The following PTPRM variants were observed in gnomAD, a reference collection of about 807,000 sequenced individuals.
PTPRM encodes the protein protein tyrosine phosphatase receptor type M.
In PTPRM, 47 loss-of-function variants were observed where a neutral mutation model predicts 186.7. That is an observed-to-expected ratio of 0.25 (90% CI 0.20 to 0.32). The LOEUF (loss-of-function observed/expected upper bound fraction) is 0.32, where lower values mean the gene tolerates loss of function less well. Ranked by LOEUF, PTPRM falls within the 10% of genes least tolerant of loss-of-function variation. The probability of loss-of-function intolerance (pLI) is 1.00; values close to 1 mark genes in which losing one functional copy is unlikely to be tolerated. For missense variants in PTPRM, 1,494 were observed against 1,865.0 expected (o/e 0.80, Z 3.66); for synonymous variants, 668 against 674.9 (o/e 0.99, Z 0.16).
intron 7 of PTPRM, among the ~76,000 whole-genome samples, chr18:8,012,435 C>T (rs1010351165): frequency 1.3e-5 from 2 of 152,146 alleles, no homozygotes; most frequent in African/African-American, 4.8e-5. Context: ...AATCATGCCT[C>T]GATGAAGGAC....
chr18:8,134,085 A>G (rs2092579623), intron 13 of PTPRM, among the ~76,000 whole-genome samples: 1 of 152,240 alleles, frequency 6.6e-6, no homozygotes, highest in South Asian at 2.1e-4. Flanking sequence ...AATTTATTCC[A>G]GTTTCATGGA....
chr18:8,012,964 G>C (rs2084631401), intron 7 of PTPRM, among the ~76,000 whole-genome samples: 2 of 152,098 alleles, frequency 1.3e-5, no homozygotes, highest in African/African-American at 4.8e-5. Flanking sequence ...ACTGGGGAGG[G>C]TGGAGGAGGA....
At chr18:8,196,498 C>T (rs908130242) in intron 14 of PTPRM, among the ~76,000 whole-genome samples, 1 of 152,214 alleles carries the variant, frequency 6.6e-6, no homozygotes, top group Non-Finnish European at 1.5e-5. Flanking sequence ...TTTCGTACAA[C>T]TCAGAAACTA....
In PTPRM at chr18:7,656,984, A is replaced by G. The variant is rs117978727; in HGVS notation, c.73+89093A>G. ...AGGTGGATGTGTAGGAAGCAGAGGTATCTCCATTTTCCTTTGGAAACTTTC... is the reference window on the plus strand; with the variant it reads ...AGGTGGATGTGTAGGAAGCAGAGGTGTCTCCATTTTCCTTTGGAAACTTTC... On this transcript the variant is annotated intron_variant, in intron 1 of 32. Coordinates refer to ENST00000580170, the MANE Select transcript of PTPRM (RefSeq NM_001105244.2). Among the ~76,000 whole-genome samples, 444 of 152,150 alleles carry G rather than the reference A, an allele frequency of 2.9e-3. 14 individuals are homozygous for G. In the East Asian group the frequency reaches 0.064, roughly 22 times the overall value.
intron 23 of PTPRM, among the ~76,000 whole-genome samples, chr18:8,353,415 T>A (rs1479458153): frequency 2.0e-5 from 3 of 151,786 alleles, no homozygotes; most frequent in African/African-American, 7.3e-5. Context: ...TATGGAAGAG[T>A]ATGGAGACAC....
At chr18:7,877,322 A>G (rs1023614182) in intron 2 of PTPRM, among the ~76,000 whole-genome samples, 1 of 152,198 alleles carries the variant, frequency 6.6e-6, no homozygotes, top group African/African-American at 2.4e-5. Flanking sequence ...TTGAAGATAA[A>G]TTCAAGTGCC....
Position 7,809,635 on chromosome 18 carries a change from G to A in PTPRM, c.196+35364G>A, listed in dbSNP as rs188655283. Among the ~76,000 whole-genome samples the A allele has an allele frequency of 1.4e-4, 21 of 152,248 alleles. No homozygotes were observed. The East Asian group carries it at 3.9e-3, about 28-fold the overall frequency. ...TCCTCCTGGCCTCAGCTCCTGGCCTGAGGGCCCAGCGCCTCCTTTCTCTGC... is the reference window on the plus strand; with the variant it reads ...TCCTCCTGGCCTCAGCTCCTGGCCTAAGGGCCCAGCGCCTCCTTTCTCTGC... On this transcript the variant is annotated intron_variant, in intron 2 of 32. Transcript: ENST00000580170.
intron 1 of PTPRM, among the ~76,000 whole-genome samples, chr18:7,642,271 G>A (rs148763281): frequency 2.9e-4 from 44 of 152,270 alleles, no homozygotes; most frequent in African/African-American, 9.9e-4. Flanking sequence ...GTGGGCCCTG[G>A]GAGGAACGGC....
At chr18:8,008,497 C>T (rs568536086) in intron 7 of PTPRM, among the ~76,000 whole-genome samples, 3 of 152,178 alleles carry the variant, frequency 2.0e-5, no homozygotes, top group Admixed American at 6.5e-5. Context: ...AAGAAAAAAG[C>T]GTTCCCCATC....
chr18:7,724,517 G>A (rs1431086596), intron 1 of PTPRM, among the ~76,000 whole-genome samples: 1 of 152,144 alleles, frequency 6.6e-6, no homozygotes, highest in Non-Finnish European at 1.5e-5. Context: ...GCTGGTACCC[G>A]GCATTATCCC....
chr18:7,949,136 A>C, intron 5 of PTPRM, 45 bp from the exon 6 acceptor site: 1 of 1,490,470 alleles, frequency 6.7e-7, no homozygotes, highest in Non-Finnish European at 9.2e-7. Context: ...TTGCTCTGAC[A>C]GCTTATATTG....
At chr18:8,172,710 G>GA (rs757024993) in intron 14 of PTPRM, among the ~76,000 whole-genome samples, 22 of 142,152 alleles carry the variant, frequency 1.5e-4, no homozygotes, top group Middle Eastern at 3.6e-3. Context: ...AAAAAAAAAA[G>GA]AAAAAAAAAA....
chr18:7,764,648 T>G (rs1247744879), intron 1 of PTPRM, among the ~76,000 whole-genome samples: 1 of 152,206 alleles, frequency 6.6e-6, no homozygotes, highest in Non-Finnish European at 1.5e-5. Flanking sequence ...TCAGTAGGTC[T>G]GGGATGAAGC....
chr18:7,948,287 GAGAGAGAGAA>G (rs1263130063), intron 5 of PTPRM, among the ~76,000 whole-genome samples: 3 of 152,056 alleles, frequency 2.0e-5, no homozygotes, highest in South Asian at 2.1e-4. Context: ...TATATATAGA[GAGAGAGAGAA>G]AGAGAGAGAG....
In PTPRM at chr18:7,783,774, A is replaced by G. The variant is rs201836867; in HGVS notation, c.196+9503A>G. On this transcript the variant is annotated intron_variant, in intron 2 of 32. Coordinates refer to ENST00000580170, the MANE Select transcript of PTPRM (RefSeq NM_001105244.2). ...TGTGTGTGTGTGTGTGTGTGTGTGT[A>G]TGTGTGTGTGTGTGTAGAGACAGGG... 7.6e-3 allele frequency among the ~76,000 whole-genome samples: 602 copies of G among 79,622 alleles called. 15 individuals carry two copies. Among genetic ancestry groups the G allele is most frequent in the Admixed American group, 0.055 (477 of 8,596 alleles). 52.2% of individuals were successfully genotyped at this position (79,622 alleles called of 152,430 possible). A position where few individuals can be genotyped will look rare whatever the true frequency, so the allele number is the denominator to read the frequency against.
At chr18:8,057,560 G>A (rs1328533874) in intron 7 of PTPRM, among the ~76,000 whole-genome samples, 8 of 130,514 alleles carry the variant, frequency 6.1e-5, no homozygotes, top group African/African-American at 2.1e-4. Context: ...CCACTAAATC[G>A]TCATCTAGCA....
intron 14 of PTPRM, chr18:8,154,747 T>C (rs1310822331): frequency 6.6e-6 from 1 of 152,218 alleles, no homozygotes; most frequent in Non-Finnish European, 1.5e-5. Flanking sequence ...ATATAGGCAA[T>C]AATGGCTAAA....
In PTPRM at chr18:8,247,840, T is replaced by A. The variant is rs374577589; in HGVS notation, c.2453-5T>A. On this transcript the variant is annotated splice_region_variant and splice_polypyrimidine_tract_variant and intron_variant, in intron 15 of 32. Coordinates refer to ENST00000580170, the MANE Select transcript of PTPRM (RefSeq NM_001105244.2). ...GCCCCTGACCAGCCTCTCTTTTATT[T>A]ACAGCTGTGTCTTCACCATCGTCCT... is the stretch of plus-strand genomic sequence containing the variant. The A allele has an allele frequency of 4.4e-6, 7 of 1,587,766 alleles. No individual in the cohort carries two copies. Among genetic ancestry groups the A allele is most frequent in the Middle Eastern group, 1.7e-4 (1 of 6,042 alleles).
At chr18:7,706,627 AAAAC>A (rs1199971223) in intron 1 of PTPRM, among the ~76,000 whole-genome samples, 113 of 149,796 alleles carry the variant, frequency 7.5e-4, no homozygotes, top group African/African-American at 2.7e-3. Flanking sequence ...AAAAAAAAAA[AAAAC>A]AACAAAATGT....
Sources: allele counts gnomAD v4.1 joint callset (sites outside exome capture counted in the v4.1 genomes callset), GRCh38; gene constraint gnomAD v4.1.1; transcripts MANE v1.5; gene names NCBI Gene and HGNC (gene_info 2026-07-23, HGNC 2026-07-21).